NUAK2: variants seen among roughly 807,000 people sequenced by gnomAD.
NUAK2 encodes NUAK family SNF1-like kinase 2.
In NUAK2, 20 loss-of-function variants were observed where a neutral mutation model predicts 29.8. The ratio of observed to expected loss-of-function variants is 0.67; its 90% CI spans 0.47 to 0.98. NUAK2 has a LOEUF of 0.98. Among genes scored for constraint, NUAK2 ranks in the 50% least tolerant of loss-of-function variants. NUAK2 has a pLI of 0.00. For synonymous variants in NUAK2, 331 were observed against 342.6 expected, an observed-to-expected ratio of 0.97 and a Z score of 0.37; for missense variants, 719 against 834.5, an observed-to-expected ratio of 0.86 and a Z score of 1.71.
chr1:205,318,216 G>A (rs1305439843), intron 1 of NUAK2, among the ~76,000 whole-genome samples: 2 of 152,194 alleles, frequency 1.3e-5, no homozygotes, highest in African/African-American at 4.8e-5. Context: ...CACCCACCCA[G>A]AATCCTTCAA....
chr1:205,308,177 A>T lies in NUAK2; in HGVS notation c.558T>A (p.Asn186Lys), dbSNP rs984442224. 1.7e-5 allele frequency: 27 copies of T among 1,605,486 alleles called. No individual in the cohort carries two copies. Among genetic ancestry groups the T allele is most frequent in the Non-Finnish European group, 2.3e-5 (27 of 1,175,834 alleles). ...AAGTGGGACTCACCTTGATATTCCCATTGGCATCCAAGAGGATGTTCTCCA... is the reference window on the plus strand; with the variant it reads ...AAGTGGGACTCACCTTGATATTCCCTTTGGCATCCAAGAGGATGTTCTCCA... Reference protein sequence around the residue: ...LKLENILLDANGNIKIADFGL... With the variant: ...LKLENILLDAKGNIKIADFGL... The change falls in exon 4 of 7, where the codon AAT (asparagine) becomes AAA (lysine). Residue 186 changes from asparagine (N) to lysine (K), a missense_variant. By Grantham distance (94) the Asn-to-Lys change is moderately conservative. Transcript: ENST00000367157. This position sits in a 1 kb window ranked among gnomAD's most constrained non-coding sequence, Gnocchi z 4.1.
At chr1:205,316,145 G>A (rs545985549) in intron 1 of NUAK2, among the ~76,000 whole-genome samples, 6 of 152,270 alleles carry the variant, frequency 3.9e-5, no homozygotes, top group South Asian at 4.1e-4. Flanking sequence ...CCCAGGAATC[G>A]AATCCTTATT....
chr1:205,312,375 C>T (rs1662268830), intron 1 of NUAK2, among the ~76,000 whole-genome samples: 1 of 152,218 alleles, frequency 6.6e-6, no homozygotes. Context: ...CGGTCACTAA[C>T]TGGTGCAAGT....
rs184336904 is a variant in NUAK2, at chr1:205,315,859, C to T, written c.232-4034G>A. ...CTGCACTCCAGCCTGGGTGACAGAG[C>T]GAGCCTCTGTCTTAAAAAAAAAATA... On this transcript the variant is annotated intron_variant, in intron 1 of 6. Transcript: ENST00000367157. Among the ~76,000 whole-genome samples, 18 of 149,606 alleles carry T rather than the reference C, an allele frequency of 1.2e-4. No individual in the cohort carries two copies. In the East Asian group the frequency reaches 2.5e-3, roughly 21 times the overall value.
rs368761859 is a variant in NUAK2, at chr1:205,303,668, G to A, written c.1669C>T (p.Leu557=). ...TCTGGGAGCCGTTCAGGCAAGTCCA[G>A]CTGGTCAAAGGACTCAGAGGACAGG... is the stretch of plus-strand genomic sequence containing the variant. The part of the protein sequence containing the change: ...SILSSESFDQ[L]DLPERLPEPP... Residue 557 remains leucine (L), a synonymous_variant, in exon 7 of 7, where the codon CTG becomes TTG. Coordinates refer to ENST00000367157, the MANE Select transcript of NUAK2 (RefSeq NM_030952.3). 2.1e-5 allele frequency: 33 copies of A among 1,565,510 alleles called. No individual in the cohort carries two copies. In the African/African-American group the frequency reaches 4.1e-4, roughly 19 times the overall value.
At chr1:205,316,834 A>C (rs1662334956) in intron 1 of NUAK2, among the ~76,000 whole-genome samples, 1 of 152,154 alleles carries the variant, frequency 6.6e-6, no homozygotes, top group African/African-American at 2.4e-5. Flanking sequence ...CTGCAGTCCT[A>C]AACATTGGAA....
chr1:205,314,124 G>A (rs955317811), intron 1 of NUAK2, among the ~76,000 whole-genome samples: 10 of 152,224 alleles, frequency 6.6e-5, no homozygotes, highest in Non-Finnish European at 1.5e-4. Context: ...CAAGAATGCG[G>A]AACAGCCCTA....
chr1:205,319,539 A>G (rs1441339900), intron 1 of NUAK2, among the ~76,000 whole-genome samples: 1 of 152,114 alleles, frequency 6.6e-6, no homozygotes, highest in Non-Finnish European at 1.5e-5. Flanking sequence ...CCCACGACCC[A>G]GTGTCTCCAC....
At position 205,303,292 on chromosome 1, in the gene NUAK2, C is replaced by A. The variant is rs757889462; in HGVS notation, c.*158G>T. 2.7e-5 allele frequency: 15 copies of A among 552,222 alleles called. No individual in the cohort carries two copies. The highest frequency in any genetic ancestry group is 4.6e-5 in the Non-Finnish European group (15 of 324,540). 34.2% of individuals were successfully genotyped at this position (552,222 alleles called of 1,614,324 possible). On this transcript the variant is annotated 3_prime_UTR_variant, in exon 7 of 7. Coordinates refer to ENST00000367157, the MANE Select transcript of NUAK2 (RefSeq NM_030952.3). ...ACCCTTGGCGCATTTCATTTGCCTA[C>A]TTCCCATATCCAGCCCTGCTCAGGG...
chr1:205,305,867 A>G (rs1662172618), intron 5 of NUAK2, among the ~76,000 whole-genome samples: 1 of 152,074 alleles, frequency 6.6e-6, no homozygotes, highest in Non-Finnish European at 1.5e-5. Context: ...GGGTGCCACA[A>G]AGCCCCATTA....
chr1:205,303,824 T>C lies in NUAK2; in HGVS notation c.1513A>G (p.Asn505Asp). Residue 505 changes from asparagine to aspartate, a missense_variant, in exon 7 of 7, where the codon AAT becomes GAT. This residue lies in a region of NUAK2 where 430 missense variants were observed against 465.7 expected (regional missense o/e 0.92). Transcript: ENST00000367157. ...AAGGCTGTCTGGGAGAACTTGCCAT[T>C]GAGTTTGAGGATGCCTTTGCGATGG... ...LLHRKGILKLNGKFSQTALEL... is the reference protein window; with the variant it reads ...LLHRKGILKLDGKFSQTALEL... 1 of 1,599,308 alleles carries C rather than the reference T, an allele frequency of 6.3e-7. No homozygotes were observed. The highest frequency in any genetic ancestry group is 8.5e-7 in the Non-Finnish European group (1 of 1,172,318).
chr1:205,314,768 G>C (rs1431970022), intron 1 of NUAK2, among the ~76,000 whole-genome samples: 1 of 152,140 alleles, frequency 6.6e-6, no homozygotes, highest in Non-Finnish European at 1.5e-5. Flanking sequence ...AACTATTTCA[G>C]AACTTAAGAT....
At chr1:205,305,137 G>A (rs1662161307) in intron 6 of NUAK2, 62 bp downstream of exon 6, 3 of 1,579,188 alleles carry the variant, frequency 1.9e-6, no homozygotes, top group Non-Finnish European at 8.6e-7. Flanking sequence ...TGTAGTTTCT[G>A]CCTTAGGAAT....
chr1:205,321,407 C>A lies in NUAK2; in HGVS notation c.222G>T (p.Ser74=). The change falls in exon 1 of 7, where the codon TCG becomes TCT. Residue 74 remains serine (S), a synonymous_variant. Transcript: ENST00000367157. ...AGGGAGCCGCACTCACCAGGCGCCC[C>A]GAGCTCTCCCGCGCCTTCTTCACCT... The part of the protein sequence containing the change: ...YGKVKKARES[S]GRLVAIKSIR... 3 of 1,613,450 alleles carry A rather than the reference C, an allele frequency of 1.9e-6. No individual in the cohort carries two copies.
intron 1 of NUAK2, among the ~76,000 whole-genome samples, chr1:205,314,656 A>G (rs1172030580): frequency 6.6e-6 from 1 of 152,228 alleles, no homozygotes; most frequent in Non-Finnish European, 1.5e-5. Flanking sequence ...TGTTTAAAAT[A>G]AAACAATGGA....
intron 1 of NUAK2, among the ~76,000 whole-genome samples, chr1:205,317,499 A>G (rs1253048909): frequency 1.3e-5 from 2 of 152,158 alleles, no homozygotes; most frequent in Non-Finnish European, 2.9e-5. Context: ...CCATCCCACC[A>G]CACCAGCCAG....
Position 205,311,781 on chromosome 1 carries a change from T to C in NUAK2, c.276A>G (p.Gln92=). 5.6e-6 allele frequency: 9 copies of C among 1,614,198 alleles called. No individual in the cohort carries two copies. Among genetic ancestry groups the C allele is most frequent in the Non-Finnish European group, 7.6e-6 (9 of 1,180,034 alleles). The change falls in exon 2 of 7, where the codon CAA becomes CAG. Residue 92 remains glutamine, a synonymous_variant. Transcript: ENST00000367157. ...TCTCCCTCCGTATGTGCATCAGATC[T>C]TGCTCATCTTTGATTTTGTCCTTCC... ...SIRKDKIKDE[Q]DLMHIRREIE...
chr1:205,306,290 GA>G lies in NUAK2; in HGVS notation c.587del (p.Leu196ProfsTer63). Reference protein sequence around the residue: ...NGNIKIADFGLSNLYHQGKFL... With the variant: ...NGNIKIADFGXSNLYHQGKFL... The stretch of plus-strand genomic sequence containing the variant: ...ACTTGCCTTGATGGTAGAGGTTGGA[GA>G]GACCGAAGTCAGCAATCTGCAGGAT... On this transcript the variant is annotated frameshift_variant, in exon 5 of 7. Coordinates refer to ENST00000367157, the MANE Select transcript of NUAK2 (RefSeq NM_030952.3). LOFTEE classifies it high-confidence loss of function. 1 of 1,613,416 alleles carries G rather than the reference GA, an allele frequency of 6.2e-7. No homozygotes were observed. Among genetic ancestry groups the G allele is most frequent in the African/African-American group, 1.3e-5 (1 of 75,002 alleles).
intron 1 of NUAK2, among the ~76,000 whole-genome samples, chr1:205,315,588 T>C (rs1662315334): frequency 6.6e-6 from 1 of 152,178 alleles, no homozygotes; most frequent in African/African-American, 2.4e-5. Flanking sequence ...AATATGTTGA[T>C]TAGGCTGGGC....
Sources: allele counts gnomAD v4.1 joint callset (sites outside exome capture counted in the v4.1 genomes callset), GRCh38; gene constraint gnomAD v4.1.1; regional missense constraint gnomAD v4.1.1; non-coding constraint Gnocchi (gnomAD v3.1); transcripts MANE v1.5; gene names NCBI Gene and HGNC (gene_info 2026-07-23, HGNC 2026-07-21).